Variants in ALMS1 observed in about 807,000 individuals in gnomAD.
The protein encoded by ALMS1 is ALMS1 centrosome and basal body associated protein.
ALMS1 carries 271 observed loss-of-function variants against 352.2 expected under a neutral mutation model. The observed-to-expected ratio is 0.77, with a 90% CI of 0.70 to 0.85. The LOEUF (loss-of-function observed/expected upper bound fraction) is 0.85, where lower values mean the gene tolerates loss of function less well. ALMS1 is among the 40% of genes least tolerant of loss of function. The pLI, the probability that ALMS1 is intolerant of heterozygous loss-of-function variation, is 0.00. For missense variants in ALMS1, 5,445 were observed against 4,870.7 expected, an observed-to-expected ratio of 1.12 and a Z score of -3.51; for synonymous variants, 1,865 against 1,761.2, an observed-to-expected ratio of 1.06 and a Z score of -1.48.
intron 9 of ALMS1, among the ~76,000 whole-genome samples, chr2:73,480,347 T>C (rs1001628501): frequency 1.3e-5 from 2 of 152,166 alleles, no homozygotes; most frequent in African/African-American, 4.8e-5. Flanking sequence ...GTTCTTGCGA[T>C]AGTTTACTGA....
At chr2:73,496,160 C>T (rs1348760241) in intron 10 of ALMS1, among the ~76,000 whole-genome samples, 1 of 152,188 alleles carries the variant, frequency 6.6e-6, no homozygotes, top group African/African-American at 2.4e-5. Context: ...ACTTTCTGTG[C>T]TTTACAATTC....
At chr2:73,455,801 A>G (rs559389143) in intron 9 of ALMS1, among the ~76,000 whole-genome samples, 1 of 152,200 alleles carries the variant, frequency 6.6e-6, no homozygotes, top group Non-Finnish European at 1.5e-5. Flanking sequence ...TGAAAAATTT[A>G]TCTTCTTAGA....
rs1573036676 is a variant in ALMS1, at chr2:73,580,275, G to A, written c.11547+6851G>A. Among the ~76,000 whole-genome samples, 3 of 152,088 alleles carry A rather than the reference G, an allele frequency of 2.0e-5. No individual in the cohort carries two copies. In the South Asian group the frequency reaches 6.2e-4, roughly 32 times the overall value. On this transcript the variant is annotated intron_variant, in intron 16 of 22. Coordinates refer to ENST00000613296, the MANE Select transcript of ALMS1 (RefSeq NM_001378454.1). ...GTTTTCTTTCTGTCCCTCAGAGTAC[G>A]TAATTTCATTTCACCTATCTTCACC...
chr2:73,393,626 G>A (rs1049604604), intron 1 of ALMS1, among the ~76,000 whole-genome samples: 5 of 151,976 alleles, frequency 3.3e-5, no homozygotes, highest in Non-Finnish European at 7.4e-5. Flanking sequence ...TGTACTTGTT[G>A]TTTAGCTCCC....
At chr2:73,506,877 C>T (rs934375034) in intron 10 of ALMS1, among the ~76,000 whole-genome samples, 1 of 152,284 alleles carries the variant, frequency 6.6e-6, no homozygotes, top group African/African-American at 2.4e-5. Flanking sequence ...GGAATGTTTC[C>T]AGCTTTTGCC....
chr2:73,385,945 A>T lies in ALMS1; in HGVS notation c.77A>T (p.Glu26Val). The change falls in exon 1 of 23, where the codon GAG becomes GTG. Residue 26 changes from glutamate to valine, a missense_variant. Transcript: ENST00000613296. ...GAGGAGGAGGAGGAGGAGGAGGAAG[A>T]GGAGGAGGCTGCAGCGGCGGCGGCG... ...EEEEEEEEEE[E>V]EEAAAAAAAN... The T allele has an allele frequency of 8.0e-7, 1 of 1,252,634 alleles. No homozygotes were observed. Among genetic ancestry groups the T allele is most frequent in the Non-Finnish European group, 1.1e-6 (1 of 879,120 alleles). The allele number at this position is 1,252,634 out of a possible 1,614,324, so 77.6% of individuals were successfully genotyped here. A position where few individuals can be genotyped will look rare whatever the true frequency, so the allele number is the denominator to read the frequency against.
At position 73,572,691 on chromosome 2, in the gene ALMS1, A is replaced by G; in HGVS notation, c.10814A>G (p.Tyr3605Cys). ...TVSLNELWNK[Y>C]RERQRQQRQP... ...AGTTTGAATGAACTGTGGAACAAGT[A>G]TCGGGAGCGACAGAGGCAACAGAGA... Residue 3605 changes from tyrosine to cysteine, a missense_variant, in exon 16 of 23, where the codon TAT becomes TGT. By Grantham distance (194) the Tyr-to-Cys change is radical (BLOSUM62 -2). Transcript: ENST00000613296. 1 of 1,614,082 alleles carries G rather than the reference A, an allele frequency of 6.2e-7. No individual in the cohort carries two copies. Among genetic ancestry groups the G allele is most frequent in the Non-Finnish European group, 8.5e-7 (1 of 1,179,990 alleles).
intron 4 of ALMS1, 118 bp downstream of exon 4, chr2:73,423,092 G>A (rs570749338): frequency 4.6e-6 from 4 of 870,956 alleles, no homozygotes; most frequent in African/African-American, 3.3e-5. Context: ...CTTAGGACAC[G>A]CCCTGAAGGT....
chr2:73,600,022 C>A (rs760936998), intron 17 of ALMS1, among the ~76,000 whole-genome samples: 3 of 152,150 alleles, frequency 2.0e-5, no homozygotes, highest in African/African-American at 7.2e-5. Flanking sequence ...TGAGGAAGCT[C>A]TCTCTGTACT....
intron 6 of ALMS1, among the ~76,000 whole-genome samples, chr2:73,430,233 T>C (rs1385306229): frequency 6.6e-6 from 1 of 151,940 alleles, no homozygotes; most frequent in Non-Finnish European, 1.5e-5. Context: ...CCCGCCCCCA[T>C]GCCCGGCTAA....
chr2:73,582,032 G>A (rs995486304), intron 16 of ALMS1, among the ~76,000 whole-genome samples: 4 of 152,070 alleles, frequency 2.6e-5, no homozygotes, highest in Non-Finnish European at 4.4e-5. Context: ...GTGAGCCACT[G>A]TGCCCAGCCT....
At chr2:73,460,616 T>C (rs946901403) in intron 9 of ALMS1, among the ~76,000 whole-genome samples, 1 of 152,168 alleles carries the variant, frequency 6.6e-6, no homozygotes, top group African/African-American at 2.4e-5. Flanking sequence ...CAGCGCACCA[T>C]TCACAAGCCG....
intron 2 of ALMS1, among the ~76,000 whole-genome samples, chr2:73,409,116 A>G (rs568467663): frequency 1.5e-4 from 23 of 151,674 alleles, no homozygotes; most frequent in Non-Finnish European, 4.4e-5. Flanking sequence ...GCCTCAAATG[A>G]TCCTTCGCCT....
At chr2:73,498,115 A>T (rs979600816) in intron 10 of ALMS1, among the ~76,000 whole-genome samples, 3 of 152,158 alleles carry the variant, frequency 2.0e-5, no homozygotes, top group African/African-American at 7.2e-5. Flanking sequence ...CCTTAATTTA[A>T]AAATTCTTTA....
intron 12 of ALMS1, among the ~76,000 whole-genome samples, chr2:73,544,093 A>G (rs1674257971): frequency 6.6e-6 from 1 of 152,222 alleles, no homozygotes; most frequent in African/African-American, 2.4e-5. Context: ...ACTATTCACA[A>G]TAACAAAGAT....
At position 73,462,668 on chromosome 2, in the gene ALMS1, G is replaced by A. The variant is rs1672231330; in HGVS notation, c.7674+7373G>A. 4 of 152,178 alleles carry A rather than the reference G, an allele frequency of 2.6e-5. No homozygotes were observed. The South Asian group carries it at 8.3e-4, about 32-fold the overall frequency. The allele number at this position is 152,178 out of a possible 1,614,324, so 9.4% of individuals were successfully genotyped here. On this transcript the variant is annotated intron_variant, in intron 9 of 22. Transcript: ENST00000613296. ...TTAAAAGGCAAAGACTGGCAAATTG[G>A]ATAAAGAGTCAAGACCCATCAGTGT...
At chr2:73,505,011 A>G (rs1673292604) in intron 10 of ALMS1, among the ~76,000 whole-genome samples, 1 of 152,182 alleles carries the variant, frequency 6.6e-6, no homozygotes, top group African/African-American at 2.4e-5. Context: ...GCTGAGAATG[A>G]TGGTTTCCAG....
intron 10 of ALMS1, among the ~76,000 whole-genome samples, chr2:73,493,405 A>C (rs1673033081): frequency 6.6e-6 from 1 of 150,782 alleles, no homozygotes; most frequent in Admixed American, 6.6e-5. Flanking sequence ...TATATAAGTA[A>C]ATATATATAT....
intron 9 of ALMS1, among the ~76,000 whole-genome samples, chr2:73,482,015 A>G (rs1179737673): frequency 6.6e-6 from 1 of 152,148 alleles, no homozygotes; most frequent in East Asian, 1.9e-4. Flanking sequence ...CAATCATGTC[A>G]TCTGCAAACA....
Sources: allele counts gnomAD v4.1 joint callset (sites outside exome capture counted in the v4.1 genomes callset), GRCh38; gene constraint gnomAD v4.1.1; transcripts MANE v1.5; gene names NCBI Gene and HGNC (gene_info 2026-07-23, HGNC 2026-07-21).